The following C10orf90 variants were observed in gnomAD, a reference collection of about 807,000 sequenced individuals.
C10orf90 encodes chromosome 10 open reading frame 90.
Under a neutral mutation model 62.5 loss-of-function variants are expected in C10orf90, and 56 were observed. The observed-to-expected ratio is 0.90, with a 90% CI of 0.72 to 1.12. The LOEUF is 1.12. C10orf90 is among the 50% of genes most tolerant of loss of function. C10orf90 has a pLI of 0.00. For synonymous variants in C10orf90, 386 were observed against 340.4 expected, an observed-to-expected ratio of 1.13 and a Z score of -1.47; for missense variants, 970 against 880.4, an observed-to-expected ratio of 1.10 and a Z score of -1.29.
chr10:126,464,484 T>C (rs1860167248), intron 5 of C10orf90, among the ~76,000 whole-genome samples: 1 of 152,176 alleles, frequency 6.6e-6, no homozygotes, highest in Non-Finnish European at 1.5e-5. Context: ...CACAGTGGTC[T>C]TGAAAATCCC....
At chr10:126,564,521 G>T (rs1339674500) in intron 2 of C10orf90, among the ~76,000 whole-genome samples, 1 of 151,470 alleles carries the variant, frequency 6.6e-6, no homozygotes, top group African/African-American at 2.4e-5. Context: ...TTTGTGTCCT[G>T]GCGCCCACCC....
At chr10:126,559,247 A>G (rs1864847797) in intron 2 of C10orf90, among the ~76,000 whole-genome samples, 1 of 152,202 alleles carries the variant, frequency 6.6e-6, no homozygotes, top group South Asian at 2.1e-4. Flanking sequence ...AAAGTAAGCA[A>G]TACAGATGTT....
intron 7 of C10orf90, among the ~76,000 whole-genome samples, chr10:126,447,335 A>C (rs930444279): frequency 6.6e-6 from 1 of 152,166 alleles, no homozygotes; most frequent in Non-Finnish European, 1.5e-5. Flanking sequence ...AAGTGAAGGG[A>C]TAGAAAGGAT....
intron 7 of C10orf90, among the ~76,000 whole-genome samples, chr10:126,435,040 C>T (rs1857829654): frequency 6.6e-6 from 1 of 152,156 alleles, no homozygotes; most frequent in African/African-American, 2.4e-5. Context: ...AAACATTATC[C>T]TGTTTCTAAA....
intron 2 of C10orf90, among the ~76,000 whole-genome samples, chr10:126,525,796 C>A (rs1428028893): frequency 6.7e-6 from 1 of 149,458 alleles, no homozygotes; most frequent in Non-Finnish European, 1.5e-5. Flanking sequence ...ACAATTAGAA[C>A]AAGGTTGTTC....
chr10:126,562,453 T>C lies in C10orf90; in HGVS notation c.314-48514A>G, dbSNP rs569681025. On this transcript the variant is annotated intron_variant, in intron 2 of 9. Transcript: ENST00000488181. ...TAACAGAATCCCTCATTCCTGCAGA[T>C]AGCATGAGACAGAACAGTCCCAGAC... Among the ~76,000 whole-genome samples, 6 of 152,264 alleles carry C rather than the reference T, an allele frequency of 3.9e-5. No homozygotes were observed. In the East Asian group the frequency reaches 9.7e-4, roughly 25 times the overall value.
intron 2 of C10orf90, 102 bp downstream of exon 2, chr10:126,646,463 T>C (rs967810342): frequency 3.7e-6 from 1 of 266,956 alleles, no homozygotes; most frequent in Non-Finnish European, 7.5e-6. Context: ...AAAACTAGGC[T>C]CAAAAGTACA....
intron 2 of C10orf90, among the ~76,000 whole-genome samples, chr10:126,562,576 C>A (rs766081911): frequency 6.6e-6 from 1 of 152,168 alleles, no homozygotes; most frequent in Non-Finnish European, 1.5e-5. Flanking sequence ...ACCTGTCAAA[C>A]GGGCACAGAG....
Position 126,504,274 on chromosome 10 carries a change from A to G in C10orf90, c.1217T>C (p.Leu406Pro). Residue 406 changes from leucine (L) to proline (P), a missense_variant, in exon 4 of 10, where the codon CTA becomes CCA. Coordinates refer to ENST00000488181, the MANE Select transcript of C10orf90 (RefSeq NM_001350921.2). The surrounding 1 kb of genome is among the most constrained non-coding windows in gnomAD (Gnocchi z 4.1). The stretch of plus-strand genomic sequence containing the variant: ...TTCGCTTATTGGCTCTCTGTTCACT[A>G]GGCCATCTACTCCATCTGCTGTTAA... ...HRLTADGVDG[L>P]VNREPISEAL... 6.2e-7 allele frequency: 1 copy of G among 1,614,166 alleles called. No homozygotes were observed. The highest frequency in any genetic ancestry group is 8.5e-7 in the Non-Finnish European group (1 of 1,180,034).
intron 7 of C10orf90, among the ~76,000 whole-genome samples, chr10:126,448,386 A>G (rs1163142799): frequency 6.6e-6 from 1 of 152,190 alleles, no homozygotes; most frequent in Non-Finnish European, 1.5e-5. Flanking sequence ...AAACAGTTCT[A>G]AGCGTGAAGT....
At chr10:126,541,437 G>A (rs1864375092) in intron 2 of C10orf90, among the ~76,000 whole-genome samples, 1 of 152,130 alleles carries the variant, frequency 6.6e-6, no homozygotes, top group Non-Finnish European at 1.5e-5. Context: ...GAAAATATTT[G>A]CAAATCATAT....
chr10:126,626,253 C>G (rs1271164416), intron 2 of C10orf90, among the ~76,000 whole-genome samples: 1 of 152,154 alleles, frequency 6.6e-6, no homozygotes, highest in Non-Finnish European at 1.5e-5. Flanking sequence ...GCCATTGCCT[C>G]CACTGCTCTG....
intron 2 of C10orf90, among the ~76,000 whole-genome samples, chr10:126,585,555 G>A (rs896203207): frequency 6.6e-6 from 1 of 151,820 alleles, no homozygotes. Flanking sequence ...GAAAGGGTGG[G>A]AGAGCAGGAG....
intron 2 of C10orf90, among the ~76,000 whole-genome samples, chr10:126,544,340 G>A (rs1374168341): frequency 6.6e-6 from 1 of 152,168 alleles, no homozygotes; most frequent in East Asian, 1.9e-4. Context: ...TTACATGGGA[G>A]GTGGCTTCCC....
intron 2 of C10orf90, among the ~76,000 whole-genome samples, chr10:126,558,507 C>T (rs2133985054): frequency 6.6e-6 from 1 of 152,334 alleles, no homozygotes; most frequent in Non-Finnish European, 1.5e-5. Flanking sequence ...CCTCACCTTG[C>T]AATGGTTTCC....
chr10:126,549,741 T>C (rs11245034), intron 2 of C10orf90, among the ~76,000 whole-genome samples: 41,894 of 102,802 alleles, frequency 0.41, 6,368 homozygotes, highest in Middle Eastern at 0.48. Flanking sequence ...TTATTCATAA[T>C]AGCAAAAAAA....
At chr10:126,499,326 T>C (rs1020338626) in intron 4 of C10orf90, among the ~76,000 whole-genome samples, 1 of 152,140 alleles carries the variant, frequency 6.6e-6, no homozygotes, top group African/African-American at 2.4e-5. Flanking sequence ...AGAAACCATA[T>C]GGCCCGCAAA....
chr10:126,661,672 T>C (rs1271960696), intron 1 of C10orf90, among the ~76,000 whole-genome samples: 39 of 97,922 alleles, frequency 4.0e-4, no homozygotes, highest in South Asian at 1.1e-3. Flanking sequence ...CTCTCTCTCT[T>C]TTTTTTTTTT....
intron 2 of C10orf90, among the ~76,000 whole-genome samples, chr10:126,624,027 G>A (rs905835148): frequency 6.6e-6 from 1 of 152,108 alleles, no homozygotes; most frequent in Non-Finnish European, 1.5e-5. Context: ...GAGGAACTTT[G>A]CTGGTCAACT....
Sources: gnomAD v4.1 joint callset for allele counts (sites outside exome capture counted in the v4.1 genomes callset) on GRCh38, gnomAD v4.1.1 for gene constraint, Gnocchi (gnomAD v3.1) non-coding constraint, MANE v1.5 for transcripts, NCBI Gene and HGNC (gene_info 2026-07-23, HGNC 2026-07-21) for gene names.